SLC9A8: variants seen among roughly 807,000 people sequenced by gnomAD.
SLC9A8 encodes the protein solute carrier family 9 member A8.
SLC9A8 carries 48 observed loss-of-function variants against 66.6 expected under a neutral mutation model. The ratio of observed to expected loss-of-function variants is 0.72; its 90% CI spans 0.57 to 0.92. The LOEUF is 0.92. SLC9A8 is among the 40% of genes least tolerant of loss of function. The pLI is 0.00. For missense variants in SLC9A8, 599 were observed against 747.3 expected, an observed-to-expected ratio of 0.80 and a Z score of 2.31; for synonymous variants, 274 against 282.6, an observed-to-expected ratio of 0.97 and a Z score of 0.31.
rs1242087518 is a variant in SLC9A8, at chr20:49,886,314, TCC to T, written c.1492-435_1492-434del. 1 of 153,868 alleles carries T rather than the reference TCC, an allele frequency of 6.5e-6. No homozygotes were observed. The highest frequency in any genetic ancestry group is 1.4e-5 in the Non-Finnish European group (1 of 69,260). The allele number at this position is 153,868 out of a possible 1,614,324, so 9.5% of individuals were successfully genotyped here. On this transcript the variant is annotated intron_variant, in intron 14 of 15. Coordinates refer to ENST00000361573, the MANE Select transcript of SLC9A8 (RefSeq NM_015266.3). The surrounding 1 kb of genome is among the most constrained non-coding windows in gnomAD (Gnocchi z 4.8). ...CCAATTCCTACAGGATGTGTTCCTC[TCC>T]CCTCTCCTCTCTTGACTTGATTGGC...
intron 3 of SLC9A8, chr20:49,829,346 C>T (rs551676384): frequency 1.3e-5 from 2 of 159,044 alleles, no homozygotes; most frequent in South Asian, 1.8e-4. Flanking sequence ...GGTGAAATCC[C>T]GTCTATACTA....
At chr20:49,838,929 A>C (rs2087651330) in intron 3 of SLC9A8, among the ~76,000 whole-genome samples, 2 of 152,222 alleles carry the variant, frequency 1.3e-5, no homozygotes, top group Admixed American at 6.5e-5. Flanking sequence ...GTAACAGAGC[A>C]ATCATAAATT....
chr20:49,881,160 A>G (rs2089613004), intron 13 of SLC9A8, 125 bp downstream of exon 13: 1 of 673,898 alleles, frequency 1.5e-6, no homozygotes, highest in East Asian at 2.7e-5. Flanking sequence ...CTCCCGTTTA[A>G]TGGCACCCAC....
rs2087617379 is a variant in SLC9A8, at chr20:49,838,152, T to C, written c.290-1389T>C. On this transcript the variant is annotated intron_variant, in intron 3 of 15. Transcript: ENST00000361573. The stretch of plus-strand genomic sequence containing the variant: ...GCCTGATATAATATTTCCCAAACTT[T>C]CCAAGATAGTTGGTTACCTTGGGCT... Among the ~76,000 whole-genome samples the C allele has an allele frequency of 2.0e-5, 3 of 152,172 alleles. No individual in the cohort carries two copies. In the South Asian group the frequency reaches 6.2e-4, roughly 32 times the overall value.
Position 49,849,636 on chromosome 20 carries a change from A to G in SLC9A8, c.490A>G (p.Ile164Val), listed in dbSNP as rs140626907. Residue 164 changes from isoleucine to valine, a missense_variant, in exon 6 of 16, where the codon ATC becomes GTC. Physicochemically the swap from Ile to Val is conservative, Grantham distance 29. Transcript: ENST00000361573. ...ITLFAVFGTA[I>V]SAFVVGGGIY... ...CCTGTTTGCTGTTTTTGGGACGGCAATCTCCGCTTTTGTAGTAGGTGGAGG... is the reference window on the plus strand; with the variant it reads ...CCTGTTTGCTGTTTTTGGGACGGCAGTCTCCGCTTTTGTAGTAGGTGGAGG... 348 of 1,613,898 alleles carry G rather than the reference A, an allele frequency of 2.2e-4. No homozygotes were observed. The highest frequency in any genetic ancestry group is 2.7e-4 in the Non-Finnish European group (317 of 1,179,882).
chr20:49,830,721 A>G, intron 3 of SLC9A8: 1 of 703,120 alleles, frequency 1.4e-6, no homozygotes, highest in Admixed American at 2.4e-5. Flanking sequence ...TGAAGTTGGC[A>G]ACGCAGCCAA....
intron 3 of SLC9A8, among the ~76,000 whole-genome samples, chr20:49,834,532 G>C (rs1282673824): frequency 9.7e-5 from 14 of 144,802 alleles, no homozygotes; most frequent in Admixed American, 2.8e-4. Context: ...ATAATATCTG[G>C]TGGCCAGTTG....
At chr20:49,868,747 A>G (rs2089076723) in intron 10 of SLC9A8, among the ~76,000 whole-genome samples, 1 of 152,150 alleles carries the variant, frequency 6.6e-6, no homozygotes, top group African/African-American at 2.4e-5. Context: ...AAAATAGACA[A>G]AAGGGCCAGC....
intron 2 of SLC9A8, among the ~76,000 whole-genome samples, chr20:49,822,152 A>G (rs1382401022): frequency 6.6e-6 from 1 of 152,188 alleles, no homozygotes; most frequent in East Asian, 1.9e-4. Flanking sequence ...TCCTCAGCCG[A>G]TGGGAATGGC....
chr20:49,877,970 G>C lies in SLC9A8; in HGVS notation c.1076-11G>C. 6.3e-7 allele frequency: 1 copy of C among 1,578,164 alleles called. No homozygotes were observed. The highest frequency in any genetic ancestry group is 8.6e-7 in the Non-Finnish European group (1 of 1,166,764). The stretch of plus-strand genomic sequence containing the variant: ...TTGGGGTTGAATAATCCATTCTTTG[G>C]TTTGTTTCAGAAACATGTGTGTTTG... On this transcript the variant is annotated splice_polypyrimidine_tract_variant and intron_variant, in intron 11 of 15. Coordinates refer to ENST00000361573, the MANE Select transcript of SLC9A8 (RefSeq NM_015266.3).
chr20:49,874,462 C>T (rs1406103519), intron 10 of SLC9A8, among the ~76,000 whole-genome samples: 5 of 152,076 alleles, frequency 3.3e-5, no homozygotes, highest in Admixed American at 6.6e-5. Context: ...TGTACAGAAG[C>T]GGAAACTGAG....
intron 13 of SLC9A8, among the ~76,000 whole-genome samples, chr20:49,881,994 T>C (rs1009700448): frequency 5.3e-5 from 8 of 152,070 alleles, no homozygotes; most frequent in African/African-American, 1.9e-4. Flanking sequence ...TCCTGTTCTC[T>C]CCCAGGCTCC....
chr20:49,820,950 A>G (rs1213751660), intron 2 of SLC9A8, among the ~76,000 whole-genome samples: 1 of 152,086 alleles, frequency 6.6e-6, no homozygotes, highest in African/African-American at 2.4e-5. Context: ...TTGTCTATTC[A>G]TGTCCTATGC....
intron 10 of SLC9A8, among the ~76,000 whole-genome samples, chr20:49,870,474 C>G (rs1041834421): frequency 2.0e-5 from 3 of 152,110 alleles, no homozygotes; most frequent in Admixed American, 6.5e-5. Flanking sequence ...ACTGCAGGAG[C>G]CAGGGGTCTG....
Position 49,889,982 on chromosome 20 carries a change from G to A in SLC9A8, c.*2046G>A, listed in dbSNP as rs2090005517. ...CTCGTCACCAGGTGTGATAGCCCCA[G>A]CCAGGTCACACCTGGCCTCACACTT... On this transcript the variant is annotated 3_prime_UTR_variant, in exon 16 of 16. Transcript: ENST00000361573. 6.6e-6 allele frequency: 1 copy of A among 152,250 alleles called. No individual in the cohort carries two copies. The highest frequency in any genetic ancestry group is 2.4e-5 in the African/African-American group (1 of 41,446). The allele number at this position is 152,250 out of a possible 1,614,324, so 9.4% of individuals were successfully genotyped here.
At chr20:49,861,160 G>A (rs762872938) in intron 8 of SLC9A8, among the ~76,000 whole-genome samples, 91 of 152,336 alleles carry the variant, frequency 6.0e-4, no homozygotes, top group Admixed American at 3.3e-3. Context: ...TAAGGTCAGA[G>A]AGGTATGGCA....
At chr20:49,831,891 C>T (rs1057183130) in intron 3 of SLC9A8, among the ~76,000 whole-genome samples, 14 of 152,230 alleles carry the variant, frequency 9.2e-5, no homozygotes, top group African/African-American at 3.4e-4. Context: ...GACACCACTG[C>T]CACAGTGGGC....
In SLC9A8 at chr20:49,887,795, C is replaced by T. The variant is rs567671601; in HGVS notation, c.1639-34C>T. 167 of 1,524,072 alleles carry T rather than the reference C, an allele frequency of 1.1e-4. 3 individuals are homozygous for T. In the South Asian group the frequency reaches 1.3e-3, roughly 12 times the overall value. 94.4% of individuals were successfully genotyped at this position (1,524,072 alleles called of 1,614,324 possible). A position where few individuals can be genotyped will look rare whatever the true frequency, so the allele number is the denominator to read the frequency against. On this transcript the variant is annotated intron_variant, in intron 15 of 15. Transcript: ENST00000361573. Reference sequence around the variant, plus strand: ...CTCCCTTCCATGGCCCTGCCCCTGACGCCCTGACGGCTTGGTTGTGTCTCT... The same window carrying T: ...CTCCCTTCCATGGCCCTGCCCCTGATGCCCTGACGGCTTGGTTGTGTCTCT...
intron 12 of SLC9A8, among the ~76,000 whole-genome samples, chr20:49,879,073 C>T (rs1360959168): frequency 6.6e-6 from 1 of 151,470 alleles, no homozygotes. Flanking sequence ...GGAAAAGGGA[C>T]ACATTTGATC....
Sources: gnomAD v4.1 joint callset for allele counts (sites outside exome capture counted in the v4.1 genomes callset) on GRCh38, gnomAD v4.1.1 for gene constraint, Gnocchi (gnomAD v3.1) non-coding constraint, MANE v1.5 for transcripts, NCBI Gene and HGNC (gene_info 2026-07-23, HGNC 2026-07-21) for gene names.